DNASE2B: variants seen among roughly 807,000 people sequenced by gnomAD.
DNASE2B encodes deoxyribonuclease 2 beta, also known as deoxyribonuclease-2-beta.
Under a neutral mutation model 46.0 loss-of-function variants are expected in DNASE2B, and 43 were observed. The ratio of observed to expected loss-of-function variants is 0.94; its 90% CI spans 0.73 to 1.21. The LOEUF (loss-of-function observed/expected upper bound fraction) is 1.21, where lower values mean the gene tolerates loss of function less well. Among genes scored for constraint, DNASE2B ranks in the 50% most tolerant of loss-of-function variants. DNASE2B has a pLI of 0.00. For synonymous variants in DNASE2B, 156 were observed against 152.5 expected (o/e 1.02, Z -0.17); for missense variants, 395 against 414.4 (o/e 0.95, Z 0.41).
At chr1:84,399,329 G>A (rs577702805) in intron 1 of DNASE2B, among the ~76,000 whole-genome samples, 1 of 152,316 alleles carries the variant, frequency 6.6e-6, no homozygotes, top group East Asian at 1.9e-4. Context: ...ATAATGGTTG[G>A]TGTCAAGCTT....
At chr1:84,411,425 GGTGTGTGTGTGTGTGTGTGTGT>G (rs71097845) in intron 4 of DNASE2B, among the ~76,000 whole-genome samples, 3,428 of 139,306 alleles carry the variant, frequency 0.025, 98 homozygotes, top group African/African-American at 0.058. Flanking sequence ...AGAAACCTAG[GGTGTGTGTGTGTGTGTGTGTGT>G]GTGTGTGTGT....
chr1:84,408,586 A>T, intron 3 of DNASE2B, 68 bp downstream of exon 3: 2 of 1,399,826 alleles, frequency 1.4e-6, no homozygotes. Context: ...TTTCATCTTG[A>T]GTATCCTTAT....
chr1:84,400,479 G>C (rs1215899349), intron 1 of DNASE2B, among the ~76,000 whole-genome samples: 1 of 152,222 alleles, frequency 6.6e-6, no homozygotes, highest in African/African-American at 2.4e-5. Context: ...AGCAGATTTG[G>C]AGCAAAATAT....
chr1:84,403,953 A>AT (rs562382212), intron 2 of DNASE2B, among the ~76,000 whole-genome samples: 84,277 of 107,982 alleles, frequency 0.78, 33,259 homozygotes, highest in East Asian at 0.95. Context: ...TGCCTGGCTA[A>AT]TTTTTTTTTT....
At chr1:84,412,670 G>A in intron 5 of DNASE2B, 124 bp downstream of exon 5, 2 of 1,012,892 alleles carry the variant, frequency 2.0e-6, no homozygotes, top group African/African-American at 1.7e-5. Context: ...CAAAAGAAAA[G>A]GAAAAAGGAA....
In DNASE2B at chr1:84,402,020, A is replaced by T. The variant is rs1300811795; in HGVS notation, c.245A>T (p.Asp82Val). ...SWRKSEQLMNDTKSVLGRTLQ... is the reference protein window; with the variant it reads ...SWRKSEQLMNVTKSVLGRTLQ... ...AGGAAGAGTGAGCAACTAATGAATG[A>T]CACCAAGAGTGTTTTGGGAAGGACA... Residue 82 changes from aspartate to valine, a missense_variant, in exon 2 of 6, where the codon GAC (aspartate) becomes GTC (valine). Physicochemically the swap from Asp to Val is radical, Grantham distance 152 (BLOSUM62 -3). Coordinates refer to ENST00000370665, the MANE Select transcript of DNASE2B (RefSeq NM_021233.3). 6.2e-7 allele frequency: 1 copy of T among 1,610,558 alleles called. No individual in the cohort carries two copies. Among genetic ancestry groups the T allele is most frequent in the Non-Finnish European group, 8.5e-7 (1 of 1,178,668 alleles).
chr1:84,405,378 G>A (rs1241520655), intron 2 of DNASE2B, among the ~76,000 whole-genome samples: 2 of 152,214 alleles, frequency 1.3e-5, no homozygotes, highest in Non-Finnish European at 2.9e-5. Context: ...TGGCATAGCT[G>A]CAGTGAGGGC....
chr1:84,408,877 A>G (rs1218800427), intron 3 of DNASE2B, among the ~76,000 whole-genome samples: 5 of 152,010 alleles, frequency 3.3e-5, no homozygotes, highest in Admixed American at 2.0e-4. Flanking sequence ...CATGTAGTAT[A>G]TATGTACAAA....
chr1:84,408,666 A>G (rs921134924), intron 3 of DNASE2B, 148 bp downstream of exon 3: 27 of 541,628 alleles, frequency 5.0e-5, no homozygotes, highest in Admixed American at 2.1e-4. Flanking sequence ...TGACTTCTAT[A>G]TCACTGGTTA....
At chr1:84,398,990 T>C (rs1680354483) in intron 1 of DNASE2B, among the ~76,000 whole-genome samples, 1 of 152,234 alleles carries the variant, frequency 6.6e-6, no homozygotes, top group South Asian at 2.1e-4. Context: ...TGGCAATTTC[T>C]TTTAATTACA....
At chr1:84,403,872 G>A (rs937025476) in intron 2 of DNASE2B, among the ~76,000 whole-genome samples, 5 of 151,116 alleles carry the variant, frequency 3.3e-5, no homozygotes, top group East Asian at 3.9e-4. Context: ...CTGTTGCCTC[G>A]ACCTCCCAGG....
chr1:84,404,288 C>T (rs1246780478), intron 2 of DNASE2B, among the ~76,000 whole-genome samples: 15 of 152,110 alleles, frequency 9.9e-5, no homozygotes, highest in Admixed American at 5.9e-4. Context: ...AAATCCATCA[C>T]CCCCAACCTT....
rs767758185 is a variant in DNASE2B at position 84,414,867 on chromosome 1, A to C, written c.1085A>C (p.Ter362SerextTer3). The change falls in exon 6 of 6, where the codon TAA becomes TCA. Residue 362 changes from the stop codon to serine (S), a stop_lost. Coordinates refer to ENST00000370665, the MANE Select transcript of DNASE2B (RefSeq NM_021233.3). ...GTATTATACTATGAAAGCTGTAAGTAAACTTGGTGAAAGGACACAGGTACT... is the reference window on the plus strand; with the variant it reads ...GTATTATACTATGAAAGCTGTAAGTCAACTTGGTGAAAGGACACAGGTACT... Reference protein sequence around the residue: ...GLVLYYESCK* With the variant: ...GLVLYYESCKS 1 of 1,604,498 alleles carries C rather than the reference A, an allele frequency of 6.2e-7. No homozygotes were observed. The highest frequency in any genetic ancestry group is 1.1e-5 in the South Asian group (1 of 90,054).
Sources: gnomAD v4.1 joint callset for allele counts (sites outside exome capture counted in the v4.1 genomes callset) on GRCh38, gnomAD v4.1.1 for gene constraint, MANE v1.5 for transcripts, NCBI Gene and HGNC (gene_info 2026-07-23, HGNC 2026-07-21) for gene names.